Variants in LIMCH1 observed in about 807,000 individuals in gnomAD.
LIMCH1 encodes LIM and calponin homology domains 1.
A neutral mutation model predicts 176.5 loss-of-function variants in LIMCH1; 113 were observed. That is an observed-to-expected ratio of 0.64 (90% CI 0.55 to 0.75). LIMCH1 has a LOEUF of 0.75. Among genes scored for constraint, LIMCH1 ranks in the 30% least tolerant of loss-of-function variants. The pLI is 0.00. For missense variants in LIMCH1, 1,674 were observed against 1,814.9 expected, an observed-to-expected ratio of 0.92 and a Z score of 1.41; for synonymous variants, 619 against 645.9, an observed-to-expected ratio of 0.96 and a Z score of 0.63.
At chr4:41,447,126 AGGCTGACGTGGGAAAATC>A (rs2063363947) in intron 1 of LIMCH1, among the ~76,000 whole-genome samples, 1 of 152,202 alleles carries the variant, frequency 6.6e-6, no homozygotes, top group Non-Finnish European at 1.5e-5. Context: ...GTTACTCAGG[AGGCTGACGTGGGAAAATC>A]GCCTGAGCCC....
chr4:41,369,959 T>TGTGTGTGTGTGTGTGTGTG (rs57269261), intron 1 of LIMCH1, among the ~76,000 whole-genome samples: 11 of 144,188 alleles, frequency 7.6e-5, no homozygotes, highest in East Asian at 2.1e-4. Context: ...TGTGTGTGTG[T>TGTGTGTGTGTGTGTGTGTG]TTTGTAGTGA....
chr4:41,554,550 A>G (rs1356152532), intron 1 of LIMCH1, among the ~76,000 whole-genome samples: 2 of 152,112 alleles, frequency 1.3e-5, no homozygotes, highest in African/African-American at 4.8e-5. Flanking sequence ...ATTATTTCCT[A>G]TCCTCTGGAC....
intron 1 of LIMCH1, among the ~76,000 whole-genome samples, chr4:41,546,038 C>G (rs559656111): frequency 3.3e-5 from 5 of 152,168 alleles, no homozygotes; most frequent in Admixed American, 3.3e-4. Flanking sequence ...CAACAGATTT[C>G]TAAGCAGATA....
At chr4:41,516,794 C>G (rs1415705708) in intron 2 of LIMCH1, among the ~76,000 whole-genome samples, 1 of 152,086 alleles carries the variant, frequency 6.6e-6, no homozygotes, top group Non-Finnish European at 1.5e-5. Flanking sequence ...AAAATTGGTC[C>G]ATTTGTTTAC....
At chr4:41,502,998 T>TCCATCCATCC (rs1561567316) in intron 2 of LIMCH1, among the ~76,000 whole-genome samples, 37 of 60,678 alleles carry the variant, frequency 6.1e-4, no homozygotes, top group Non-Finnish European at 1.2e-3. Context: ...CTGGTCTGTC[T>TCCATCCATCC]GTCCATCCAT....
chr4:41,360,846 T>A lies in LIMCH1; in HGVS notation c.6T>A (p.Ala2=). The change falls in exon 1 of 27, where the codon GCT becomes GCA. Residue 2 remains alanine (A), a synonymous_variant. Coordinates refer to the LIMCH1 transcript ENST00000313860. The surrounding 1 kb of genome is among the most constrained non-coding windows in gnomAD (Gnocchi z 4.5). ...GAGGACGCGGGGCTGCGCAAATGGC[T>A]TGTCCCGCTCTCGGTCTGGAAGCTC... 6.4e-7 allele frequency: 1 copy of A among 1,562,464 alleles called. No homozygotes were observed. The highest frequency in any genetic ancestry group is 8.7e-7 in the Non-Finnish European group (1 of 1,156,060).
chr4:41,505,221 A>T (rs2073992620), intron 2 of LIMCH1, among the ~76,000 whole-genome samples: 1 of 152,186 alleles, frequency 6.6e-6, no homozygotes, highest in Non-Finnish European at 1.5e-5. Context: ...TCAGCATAGC[A>T]TCTGGCACTT....
intron 1 of LIMCH1, among the ~76,000 whole-genome samples, chr4:41,384,468 A>C (rs1370033594): frequency 6.6e-6 from 1 of 151,950 alleles, no homozygotes; most frequent in African/African-American, 2.4e-5. Context: ...TCGGCCTCCC[A>C]AAGTGCTGGG....
chr4:41,425,633 C>G (rs1273309445), intron 1 of LIMCH1, among the ~76,000 whole-genome samples: 1 of 152,216 alleles, frequency 6.6e-6, no homozygotes, highest in Non-Finnish European at 1.5e-5. Context: ...AGGTGTGAGC[C>G]ACCACACCCA....
At chr4:41,632,626 C>T (rs1307792167) in intron 10 of LIMCH1, 123 bp from the exon 11 acceptor site, 4 of 752,618 alleles carry the variant, frequency 5.3e-6, no homozygotes, top group East Asian at 2.7e-5. Flanking sequence ...TACTAACCAG[C>T]CTTTGGAATG....
At chr4:41,556,600 G>A (rs567148650) in intron 1 of LIMCH1, among the ~76,000 whole-genome samples, 10 of 151,936 alleles carry the variant, frequency 6.6e-5, no homozygotes, top group South Asian at 2.1e-4. Context: ...ATTATATTAC[G>A]CCTCCCCATC....
intron 1 of LIMCH1, among the ~76,000 whole-genome samples, chr4:41,590,652 T>A (rs745462839): frequency 3.3e-5 from 5 of 152,138 alleles, no homozygotes; most frequent in African/African-American, 4.8e-5. Context: ...TCATTTCCCA[T>A]CCATAAAATG....
intron 1 of LIMCH1, among the ~76,000 whole-genome samples, chr4:41,461,661 G>T (rs1034958133): frequency 1.3e-5 from 2 of 152,194 alleles, no homozygotes; most frequent in African/African-American, 4.8e-5. Context: ...TTGAGGGCCA[G>T]TGCCTGATTT....
Position 41,628,417 on chromosome 4 carries a change from TAAA to T in LIMCH1, c.1029-1060_1029-1058del, listed in dbSNP as rs34078359. On this transcript the variant is annotated intron_variant, in intron 8 of 31. Transcript: ENST00000503057. ...CTCTAGACAGCATCAAAGAACTTATTAAAAAAAAAAAAAAAAAGAAGGGTCCCT... is the reference window on the plus strand; with the variant it reads ...CTCTAGACAGCATCAAAGAACTTATTAAAAAAAAAAAAAAGAAGGGTCCCT... Among the ~76,000 whole-genome samples, 653 of 133,680 alleles carry T rather than the reference TAAA, an allele frequency of 4.9e-3. 8 individuals are homozygous for T. The highest frequency in any genetic ancestry group is 0.016 in the African/African-American group (610 of 38,066). The allele number at this position is 133,680 out of a possible 152,430, so 87.7% of individuals were successfully genotyped here.
intron 13 of LIMCH1, among the ~76,000 whole-genome samples, chr4:41,636,352 T>C (rs1428179717): frequency 2.0e-5 from 3 of 150,316 alleles, no homozygotes; most frequent in Non-Finnish European, 4.4e-5. Context: ...TTTTTTTTTT[T>C]TTTTTTTTGC....
At chr4:41,622,666 T>C (rs1323020073) in intron 7 of LIMCH1, among the ~76,000 whole-genome samples, 2 of 152,224 alleles carry the variant, frequency 1.3e-5, no homozygotes, top group South Asian at 2.1e-4. Context: ...TTGAACTCTT[T>C]TATGACAACT....
At chr4:41,629,347 T>C (rs1360671841) in intron 8 of LIMCH1, 145 bp from the exon 9 acceptor site, 1 of 978,754 alleles carries the variant, frequency 1.0e-6, no homozygotes, top group African/African-American at 1.6e-5. Context: ...TCCCGTTGAT[T>C]CCATTTTTGA....
At chr4:41,442,053 C>T (rs977847411) in intron 1 of LIMCH1, among the ~76,000 whole-genome samples, 2 of 152,140 alleles carry the variant, frequency 1.3e-5, no homozygotes, top group African/African-American at 4.8e-5. Context: ...TGTGGTAGCT[C>T]ATGCCTGTAA....
intron 2 of LIMCH1, chr4:41,524,322 C>G: frequency 1.0e-6 from 1 of 976,394 alleles, no homozygotes; most frequent in Non-Finnish European, 1.7e-6. Context: ...TCCTATCCAG[C>G]AATTTAGCTG....
Sources: allele counts gnomAD v4.1 joint callset (sites outside exome capture counted in the v4.1 genomes callset), GRCh38; gene constraint gnomAD v4.1.1; non-coding constraint Gnocchi (gnomAD v3.1); transcripts MANE v1.5; gene names NCBI Gene and HGNC (gene_info 2026-07-23, HGNC 2026-07-21).